UBR4: variants seen among roughly 807,000 people sequenced by gnomAD.
UBR4 encodes the protein ubiquitin protein ligase E3 component n-recognin 4.
A neutral mutation model predicts 575.6 loss-of-function variants in UBR4; 124 were observed. The ratio of observed to expected loss-of-function variants is 0.22; its 90% CI spans 0.19 to 0.25. The LOEUF is 0.25. UBR4 is among the 10% of genes least tolerant of loss of function. The pLI is 1.00. For synonymous variants in UBR4, 2,455 were observed against 2,473.7 expected (o/e 0.99, Z 0.22); for missense variants, 4,818 against 6,478.8 (o/e 0.74, Z 8.80).
rs2086062022 is a variant in UBR4, at chr1:19,153,792, A to C, written c.6606T>G (p.Ile2202Met). 6.2e-7 allele frequency: 1 copy of C among 1,614,020 alleles called. No homozygotes were observed. The change falls in exon 45 of 106, where the codon ATT becomes ATG. Residue 2202 changes from isoleucine to methionine, a missense_variant. Physicochemically the swap from Ile to Met is conservative, Grantham distance 10. This residue lies in a region of UBR4 where 461 missense variants were observed against 606.9 expected (regional missense o/e 0.76). Coordinates refer to ENST00000375254, the MANE Select transcript of UBR4 (RefSeq NM_020765.3). This position sits in a 1 kb window ranked among gnomAD's most constrained non-coding sequence, Gnocchi z 4.1. Reference protein sequence around the residue: ...VKPDTFLIQEIKTLPAKAKIQ... With the variant: ...VKPDTFLIQEMKTLPAKAKIQ... Reference sequence around the variant, plus strand: ...CCTTCGCTTTAGCAGGAAGAGTCTTAATCTCCTGGATAAGAAAAGTGTCTG... The same window carrying C: ...CCTTCGCTTTAGCAGGAAGAGTCTTCATCTCCTGGATAAGAAAAGTGTCTG...
chr1:19,090,865 G>C (rs545720868), intron 97 of UBR4, among the ~76,000 whole-genome samples: 1 of 152,094 alleles, frequency 6.6e-6, no homozygotes, highest in Non-Finnish European at 1.5e-5. Context: ...GAGGCTGAGG[G>C]GAGCGGATCA....
At chr1:19,164,776 C>T (rs767021027) in intron 32 of UBR4, 23 bp downstream of exon 32, 18 of 1,609,332 alleles carry the variant, frequency 1.1e-5, no homozygotes, top group African/African-American at 4.0e-5. Flanking sequence ...TAGGGAAACA[C>T]GACAGAAATG....
intron 60 of UBR4, 143 bp downstream of exon 60, chr1:19,137,864 A>G (rs2083375498): frequency 1.1e-6 from 1 of 900,508 alleles, no homozygotes; most frequent in Non-Finnish European, 1.5e-6. Context: ...AAGACTTTAA[A>G]CTGTTTCAGA....
In UBR4 at chr1:19,083,136, C is replaced by T. The variant is rs183039341; in HGVS notation, c.15008+1368G>A. The stretch of plus-strand genomic sequence containing the variant: ...TAGTCACCCAGGGCTCTGTCCAGGG[C>T]CCCAGGAACACTGAGAAGGAGCGAA... On this transcript the variant is annotated intron_variant, in intron 102 of 105. Transcript: ENST00000375254. 4.4e-3 allele frequency among the ~76,000 whole-genome samples: 671 copies of T among 152,244 alleles called. 2 individuals carry two copies. Among genetic ancestry groups the T allele is most frequent in the African/African-American group, 0.015 (630 of 41,548 alleles).
chr1:19,121,879 T>G, intron 67 of UBR4, 55 bp downstream of exon 67: 1 of 1,600,034 alleles, frequency 6.2e-7, no homozygotes, highest in Non-Finnish European at 8.6e-7. Flanking sequence ...ATAGTAGGCC[T>G]TAACAGTTCC....
intron 83 of UBR4, 151 bp from the exon 84 acceptor site, chr1:19,105,993 A>G (rs2079147358): frequency 1.9e-6 from 1 of 527,060 alleles, no homozygotes; most frequent in Non-Finnish European, 3.3e-6. Flanking sequence ...ACCAGCTAAC[A>G]CAAGACTCTA....
chr1:19,140,810 G>A lies in UBR4; in HGVS notation c.8571C>T (p.Thr2857=), dbSNP rs749735046. Residue 2857 remains threonine (T), a synonymous_variant, in exon 58 of 106, where the codon ACC becomes ACT. Transcript: ENST00000375254. The part of the protein sequence containing the change: ...APSSSSLDAG[T]LSDTTASAPA... ...TACCTGATGCTGTGGTGTCAGAGAG[G>A]GTTCCTGCGTCCAGAGAGGAAGAGC... 1.2e-6 allele frequency: 2 copies of A among 1,613,306 alleles called. No homozygotes were observed. The highest frequency in any genetic ancestry group is 4.5e-5 in the East Asian group (2 of 44,878).
At position 19,164,527 on chromosome 1, in the gene UBR4, A is replaced by T. The variant is rs902508391; in HGVS notation, c.4512-86T>A. The T allele has an allele frequency of 2.7e-4, 378 of 1,392,344 alleles. 1 individual carries two copies. Among genetic ancestry groups the T allele is most frequent in the Non-Finnish European group, 5.3e-5 (54 of 1,018,044 alleles). 86.2% of individuals were successfully genotyped at this position (1,392,344 alleles called of 1,614,324 possible). A position where few individuals can be genotyped will look rare whatever the true frequency, so the allele number is the denominator to read the frequency against. On this transcript the variant is annotated intron_variant, in intron 32 of 105. Transcript: ENST00000375254. The stretch of plus-strand genomic sequence containing the variant: ...TAAAGGAAGTTTTAAATTAAACATT[A>T]AATACATAACTACAATACCAATCCC...
chr1:19,136,976 A>AT (rs58933407), intron 60 of UBR4, among the ~76,000 whole-genome samples: 13,140 of 151,828 alleles, frequency 0.087, 673 homozygotes, highest in Non-Finnish European at 0.12. Flanking sequence ...ATCAGGCACC[A>AT]TTTTTTTTAC....
At chr1:19,145,417 G>A (rs998849847) in intron 53 of UBR4, among the ~76,000 whole-genome samples, 1 of 151,934 alleles carries the variant, frequency 6.6e-6, no homozygotes, top group African/African-American at 2.4e-5. Context: ...AAATAGCTTA[G>A]AAATAGAATA....
In UBR4 at chr1:19,145,828, G is replaced by A; in HGVS notation, c.7910C>T (p.Pro2637Leu). ...NHFWKLHASK[P>L]KNAFLAPACL... ...GGCAGGTGCCAAGAAGGCATTCTTGGGTTTGGATGCATGGAGTTTCCAGAA... is the reference window on the plus strand; with the variant it reads ...GGCAGGTGCCAAGAAGGCATTCTTGAGTTTGGATGCATGGAGTTTCCAGAA... The change falls in exon 53 of 106, where the codon CCC (proline) becomes CTC (leucine). Residue 2637 changes from proline (P) to leucine (L), a missense_variant. Pro to Leu is a moderately conservative substitution (Grantham distance 98). Coordinates refer to ENST00000375254, the MANE Select transcript of UBR4 (RefSeq NM_020765.3). 1 of 1,614,148 alleles carries A rather than the reference G, an allele frequency of 6.2e-7. No individual in the cohort carries two copies. The highest frequency in any genetic ancestry group is 8.5e-7 in the Non-Finnish European group (1 of 1,180,016).
Position 19,179,221 on chromosome 1 carries a change from C to A in UBR4, c.2185-1G>T. 6.4e-7 allele frequency: 1 copy of A among 1,566,702 alleles called. No individual in the cohort carries two copies. The highest frequency in any genetic ancestry group is 1.2e-5 in the South Asian group (1 of 82,602). The stretch of plus-strand genomic sequence containing the variant: ...CTCCTAGCTGCTGCAACAGTGTGTT[C>A]TGACAAGAAAGACATGGAACAGAAC... On this transcript the variant is annotated splice_acceptor_variant, in intron 17 of 105. Coordinates refer to ENST00000375254, the MANE Select transcript of UBR4 (RefSeq NM_020765.3). LOFTEE classifies it high-confidence loss of function.
rs2077887299 is a variant in UBR4, at chr1:19,095,028, G to A, written c.13627-3C>T. 1.2e-6 allele frequency: 2 copies of A among 1,614,186 alleles called. No individual in the cohort carries two copies. The highest frequency in any genetic ancestry group is 1.7e-6 in the Non-Finnish European group (2 of 1,180,022). ...CTTTCTTGTTCAGCTACAAGGGCCT[G>A]TAGGAGAAGGAGACTCAGTCACTCT... On this transcript the variant is annotated splice_region_variant and splice_polypyrimidine_tract_variant and intron_variant, in intron 93 of 105. Coordinates refer to ENST00000375254, the MANE Select transcript of UBR4 (RefSeq NM_020765.3).
At position 19,122,719 on chromosome 1, in the gene UBR4, T is replaced by C. The variant is rs577247809; in HGVS notation, c.9816+114A>G. 39 of 1,182,796 alleles carry C rather than the reference T, an allele frequency of 3.3e-5. No individual in the cohort carries two copies. The African/African-American group carries it at 4.4e-4, about 13-fold the overall frequency. 73.3% of individuals were successfully genotyped at this position (1,182,796 alleles called of 1,614,324 possible). ...TTTACCCTCATCTCAGCCCTAACCA[T>C]GCCATTGTCAACACAGTTAAAAGTC... On this transcript the variant is annotated intron_variant, in intron 66 of 105. Coordinates refer to ENST00000375254, the MANE Select transcript of UBR4 (RefSeq NM_020765.3).
chr1:19,144,986 C>T, intron 53 of UBR4, 79 bp from the exon 54 acceptor site: 1 of 1,539,774 alleles, frequency 6.5e-7, no homozygotes, highest in Non-Finnish European at 8.9e-7. Flanking sequence ...AAAAGTGTAA[C>T]CTTTTATCTC....
At chr1:19,081,824 G>A (rs1436674966) in intron 102 of UBR4, 3 of 679,118 alleles carry the variant, frequency 4.4e-6, no homozygotes, top group Non-Finnish European at 5.5e-6. Flanking sequence ...TCCTACCCCA[G>A]CTCTAATACA....
intron 60 of UBR4, among the ~76,000 whole-genome samples, chr1:19,134,635 C>A (rs1437598005): frequency 6.6e-6 from 1 of 151,752 alleles, no homozygotes; most frequent in Non-Finnish European, 1.5e-5. Context: ...CAGGACCTCA[C>A]AGGGCATTTG....
At chr1:19,140,658 A>T (rs142447180) in intron 58 of UBR4, 130 bp downstream of exon 58, 15 of 957,602 alleles carry the variant, frequency 1.6e-5, no homozygotes, top group Non-Finnish European at 2.3e-5. Context: ...CCATCTTTCT[A>T]AAGCCAAGGC....
At chr1:19,087,367 C>T (rs78058062) in intron 99 of UBR4, among the ~76,000 whole-genome samples, 1,630 of 152,304 alleles carry the variant, frequency 0.011, 26 homozygotes, top group East Asian at 0.067. Context: ...TTTGGATAAG[C>T]CTAGAAAGTT....
Sources: gnomAD v4.1 joint callset for allele counts (sites outside exome capture counted in the v4.1 genomes callset) on GRCh38, gnomAD v4.1.1 for gene constraint, gnomAD v4.1.1 regional missense constraint, Gnocchi (gnomAD v3.1) non-coding constraint, MANE v1.5 for transcripts, NCBI Gene and HGNC (gene_info 2026-07-23, HGNC 2026-07-21) for gene names.